SOX5: variants seen among roughly 807,000 people sequenced by gnomAD.
SOX5 encodes the protein transcription factor SOX-5.
SOX5 carries 9 observed loss-of-function variants against 92.0 expected under a neutral mutation model. The ratio of observed to expected loss-of-function variants is 0.10; its 90% CI spans 0.06 to 0.17. The LOEUF (loss-of-function observed/expected upper bound fraction) is 0.17, where lower values mean the gene tolerates loss of function less well. SOX5 is among the 10% of genes least tolerant of loss of function. SOX5 has a pLI of 1.00. For missense variants in SOX5, 642 were observed against 944.5 expected (o/e 0.68, Z 4.20); for synonymous variants, 344 against 336.3 (o/e 1.02, Z -0.25).
At chr12:24,507,025 C>A (rs1445753319) in intron 1 of SOX5, among the ~76,000 whole-genome samples, 2 of 151,668 alleles carry the variant, frequency 1.3e-5, no homozygotes, top group African/African-American at 4.9e-5. Flanking sequence ...TTCCTGACCT[C>A]GTGATCCGCC....
In SOX5 at chr12:23,559,347, T is replaced by C. The variant is rs547503827; in HGVS notation, c.1488+3911A>G. 2.0e-5 allele frequency among the ~76,000 whole-genome samples: 3 copies of C among 152,304 alleles called. No homozygotes were observed. In the South Asian group the frequency reaches 6.2e-4, roughly 32 times the overall value. On this transcript the variant is annotated intron_variant, in intron 11 of 14. Coordinates refer to ENST00000451604, the MANE Select transcript of SOX5 (RefSeq NM_006940.6). ...CAAAGCTGTGTGGCAAAAGATAACA[T>C]TATTTGAATATACAATCAGTCTACA...
chr12:24,386,682 C>T (rs985837269), intron 1 of SOX5, among the ~76,000 whole-genome samples: 1 of 152,122 alleles, frequency 6.6e-6, no homozygotes, highest in African/African-American at 2.4e-5. Context: ...AGGATCCATA[C>T]AGTATATCAA....
intron 3 of SOX5, among the ~76,000 whole-genome samples, chr12:24,235,063 T>C (rs1964181873): frequency 6.6e-6 from 1 of 152,208 alleles, no homozygotes; most frequent in South Asian, 2.1e-4. Context: ...CATGAGATTT[T>C]TGTTTTGTTT....
At chr12:24,360,023 C>T (rs553615272) in intron 2 of SOX5, among the ~76,000 whole-genome samples, 80 of 152,188 alleles carry the variant, frequency 5.3e-4, no homozygotes, top group African/African-American at 1.7e-3. Context: ...ATGGCAGGGA[C>T]GGAGGGAAGG....
chr12:23,648,569 A>C (rs2081167597), intron 7 of SOX5, among the ~76,000 whole-genome samples: 1 of 152,204 alleles, frequency 6.6e-6, no homozygotes, highest in African/African-American at 2.4e-5. Flanking sequence ...ATTAGGACAC[A>C]AACAAAATAG....
intron 3 of SOX5, among the ~76,000 whole-genome samples, chr12:23,773,971 T>C (rs2095021494): frequency 2.0e-5 from 3 of 150,564 alleles, no homozygotes; most frequent in East Asian, 2.0e-4. Context: ...CTGTTCTTTA[T>C]TGACAAGCAG....
rs370552951 is a variant in SOX5, at chr12:23,564,454, C to T, written c.1343-1051G>A. ...CCAGAAAAGGGACTTGTTTGTGACACGAGGCTAAATCTAACCAGATCCATT... is the reference window on the plus strand; with the variant it reads ...CCAGAAAAGGGACTTGTTTGTGACATGAGGCTAAATCTAACCAGATCCATT... On this transcript the variant is annotated intron_variant, in intron 10 of 14. Coordinates refer to ENST00000451604, the MANE Select transcript of SOX5 (RefSeq NM_006940.6). Among the ~76,000 whole-genome samples the T allele has an allele frequency of 4.6e-5, 7 of 152,078 alleles. No homozygotes were observed. The East Asian group carries it at 7.7e-4, about 17-fold the overall frequency.
intron 8 of SOX5, among the ~76,000 whole-genome samples, chr12:23,619,435 T>A (rs969261054): frequency 6.6e-6 from 1 of 152,154 alleles, no homozygotes; most frequent in Non-Finnish European, 1.5e-5. Context: ...AAGTCATCTG[T>A]CCAAAGTTGC....
chr12:23,956,894 C>A (rs1019487284), intron 4 of SOX5, among the ~76,000 whole-genome samples: 1 of 152,116 alleles, frequency 6.6e-6, no homozygotes, highest in Non-Finnish European at 1.5e-5. Flanking sequence ...GAACTCCTGA[C>A]CTCAGGTGAT....
intron 1 of SOX5, among the ~76,000 whole-genome samples, chr12:24,481,055 CA>C (rs1308749487): frequency 1.3e-5 from 2 of 151,988 alleles, no homozygotes. Flanking sequence ...TACATATACA[CA>C]ATGAAGTATA....
intron 1 of SOX5, among the ~76,000 whole-genome samples, chr12:23,906,319 T>C (rs933114328): frequency 7.9e-5 from 12 of 152,252 alleles, no homozygotes; most frequent in African/African-American, 2.9e-4. Context: ...AGTTAGAGAA[T>C]GTATACTTTT....
intron 2 of SOX5, among the ~76,000 whole-genome samples, chr12:24,350,598 C>T (rs890331986): frequency 1.3e-5 from 2 of 152,286 alleles, no homozygotes; most frequent in South Asian, 2.1e-4. Context: ...CCTGCTTTGG[C>T]CTCCCTTAGT....
At chr12:23,627,588 G>A (rs1592717435) in intron 8 of SOX5, among the ~76,000 whole-genome samples, 1 of 152,038 alleles carries the variant, frequency 6.6e-6, no homozygotes, top group Non-Finnish European at 1.5e-5. Flanking sequence ...TATTTCGTGT[G>A]TGCCATGTCA....
At chr12:23,902,661 T>C (rs778581476) in intron 1 of SOX5, among the ~76,000 whole-genome samples, 8 of 152,212 alleles carry the variant, frequency 5.3e-5, no homozygotes, top group Non-Finnish European at 1.2e-4. Flanking sequence ...TTTTAATTTC[T>C]TCAGTTCCTG....
At chr12:24,295,991 C>T (rs1183964195) in intron 2 of SOX5, among the ~76,000 whole-genome samples, 1 of 152,160 alleles carries the variant, frequency 6.6e-6, no homozygotes, top group Non-Finnish European at 1.5e-5. Context: ...AAGTAAAAAT[C>T]TCATTTTACC....
At chr12:23,870,489 C>A (rs1187090819) in intron 2 of SOX5, among the ~76,000 whole-genome samples, 1 of 152,032 alleles carries the variant, frequency 6.6e-6, no homozygotes, top group Admixed American at 6.6e-5. Flanking sequence ...CCAATAAATA[C>A]CAACTCTATT....
intron 7 of SOX5, among the ~76,000 whole-genome samples, chr12:23,662,216 T>G (rs1261370474): frequency 2.0e-5 from 3 of 152,118 alleles, no homozygotes; most frequent in Non-Finnish European, 4.4e-5. Context: ...CACATCATTT[T>G]CACCTCCTCA....
intron 1 of SOX5, among the ~76,000 whole-genome samples, chr12:24,541,723 T>C (rs1358987735): frequency 6.6e-6 from 1 of 152,224 alleles, no homozygotes; most frequent in Non-Finnish European, 1.5e-5. Flanking sequence ...TTTTCCTTTT[T>C]TCCCCTATTG....
rs537541830 is a variant in SOX5 at position 23,769,379 on chromosome 12, A to G, written c.482-13655T>C. ...CATGGAAGGAAAAAAAAAAAATAAG[A>G]GGGGAAAAAGTTTATTTCACACTAT... On this transcript the variant is annotated intron_variant, in intron 3 of 14. Transcript: ENST00000451604. 2.6e-5 allele frequency among the ~76,000 whole-genome samples: 4 copies of G among 151,804 alleles called. No individual in the cohort carries two copies. The East Asian group carries it at 7.7e-4, about 29-fold the overall frequency.
Sources: gnomAD v4.1 joint callset for allele counts (sites outside exome capture counted in the v4.1 genomes callset) on GRCh38, gnomAD v4.1.1 for gene constraint, MANE v1.5 for transcripts, NCBI Gene and HGNC (gene_info 2026-07-23, HGNC 2026-07-21) for gene names.